CAPZA2: variants seen among roughly 807,000 people sequenced by gnomAD.
CAPZA2 encodes capping actin protein of muscle Z-line subunit alpha 2, also known as F-actin-capping protein subunit alpha-2.
A neutral mutation model predicts 44.0 loss-of-function variants in CAPZA2; 13 were observed. That is an observed-to-expected ratio of 0.30 (90% CI 0.19 to 0.47). The LOEUF is 0.47. Ranked by LOEUF, CAPZA2 falls within the 20% of genes least tolerant of loss-of-function variation. The probability of loss-of-function intolerance (pLI) is 1.00; values close to 1 mark genes in which losing one functional copy is unlikely to be tolerated. For synonymous variants in CAPZA2, 94 were observed against 108.2 expected (o/e 0.87, Z 0.81); for missense variants, 244 against 338.6 (o/e 0.72, Z 2.19).
In CAPZA2 at chr7:116,921,724, G is replaced by C. The variant is rs893511372; in HGVS notation, c.*3857G>C. On this transcript the variant is annotated 3_prime_UTR_variant, in exon 10 of 10. Coordinates refer to ENST00000361183, the MANE Select transcript of CAPZA2 (RefSeq NM_006136.3). ...ATGTAAGAAGTGGTGATTGGAGAAT[G>C]GTGTGCTTAATTAAAATTGAGGTTT... is the stretch of plus-strand genomic sequence containing the variant. 4 of 152,100 alleles carry C rather than the reference G, an allele frequency of 2.6e-5. No individual in the cohort carries two copies. Among genetic ancestry groups the C allele is most frequent in the African/African-American group, 9.7e-5 (4 of 41,412 alleles). The allele number at this position is 152,100 out of a possible 1,614,324, so 9.4% of individuals were successfully genotyped here.
At chr7:116,876,391 G>A (rs1337811018) in intron 1 of CAPZA2, 1 of 152,044 alleles carries the variant, frequency 6.6e-6, no homozygotes, top group Non-Finnish European at 1.5e-5. Context: ...ATCTTCCTTA[G>A]TTAAAACGTT....
At chr7:116,911,642 T>A in intron 7 of CAPZA2, among the ~76,000 whole-genome samples, 1 of 152,214 alleles carries the variant, frequency 6.6e-6, no homozygotes, top group East Asian at 1.9e-4. Flanking sequence ...CCTCAGTACC[T>A]TATGTAGCAG....
chr7:116,884,531 G>T (rs1796737074), intron 1 of CAPZA2, among the ~76,000 whole-genome samples: 1 of 152,046 alleles, frequency 6.6e-6, no homozygotes, highest in South Asian at 2.1e-4. Context: ...GTAACCTTTT[G>T]AGATTGACTT....
chr7:116,897,959 C>T (rs909785458), intron 3 of CAPZA2, among the ~76,000 whole-genome samples: 1 of 152,114 alleles, frequency 6.6e-6, no homozygotes, highest in African/African-American at 2.4e-5. Context: ...CAAAAAGCTT[C>T]TGTAACTCTG....
At chr7:116,871,440 A>G (rs746210209) in intron 1 of CAPZA2, among the ~76,000 whole-genome samples, 1 of 152,210 alleles carries the variant, frequency 6.6e-6, no homozygotes, top group Non-Finnish European at 1.5e-5. Flanking sequence ...AATTGTCAGA[A>G]TAACCTTGTT....
chr7:116,901,881 A>ATGTGTGTGTGTGTGTGTGTG (rs1554410805), intron 4 of CAPZA2, among the ~76,000 whole-genome samples: 7 of 140,898 alleles, frequency 5.0e-5, no homozygotes, highest in Admixed American at 2.1e-4. Flanking sequence ...TAACGAAGAA[A>ATGTGTGTGTGTGTGTGTGTG]TGTGTGTGTG....
intron 8 of CAPZA2, among the ~76,000 whole-genome samples, chr7:116,913,702 T>A (rs1055710764): frequency 2.0e-5 from 3 of 152,062 alleles, no homozygotes; most frequent in African/African-American, 7.2e-5. Flanking sequence ...TCTAGGGCTC[T>A]AGCCATTCTC....
intron 1 of CAPZA2, among the ~76,000 whole-genome samples, chr7:116,883,216 G>T (rs1796722382): frequency 6.6e-6 from 1 of 152,000 alleles, no homozygotes; most frequent in Admixed American, 6.6e-5. Context: ...AAACTTTAAG[G>T]AAATACATTT....
At chr7:116,891,513 G>T (rs2115929187) in intron 2 of CAPZA2, among the ~76,000 whole-genome samples, 1 of 152,086 alleles carries the variant, frequency 6.6e-6, no homozygotes, top group South Asian at 2.1e-4. Context: ...ATTGTTTTTT[G>T]TTTGTTTGTT....
At chr7:116,901,881 A>ATGTGTG (rs1554410805) in intron 4 of CAPZA2, among the ~76,000 whole-genome samples, 19,894 of 140,618 alleles carry the variant, frequency 0.14, 1,554 homozygotes, top group East Asian at 0.31. Context: ...TAACGAAGAA[A>ATGTGTG]TGTGTGTGTG....
chr7:116,911,077 G>C (rs1246642654), intron 7 of CAPZA2, among the ~76,000 whole-genome samples: 2 of 150,086 alleles, frequency 1.3e-5, no homozygotes, highest in African/African-American at 4.9e-5. Flanking sequence ...CAGACACCAA[G>C]TACTCGATGA....
At position 116,904,222 on chromosome 7, in the gene CAPZA2, G is replaced by A; in HGVS notation, c.265G>A (p.Asp89Asn). The change falls in exon 5 of 10, where the codon GAT (aspartate) becomes AAT (asparagine). Residue 89 changes from aspartate to asparagine, a missense_variant. Asp to Asn is a conservative substitution (Grantham distance 23). Transcript: ENST00000361183. Reference sequence around the variant, plus strand: ...CGACTTGGGAAATGGAAAGTTTTTGGATCCAAAGAACAGAATCTGTTTTAA... The same window carrying A: ...CGACTTGGGAAATGGAAAGTTTTTGAATCCAAAGAACAGAATCTGTTTTAA... ...HGDLGNGKFL[D>N]PKNRICFKFD... 1 of 1,613,772 alleles carries A rather than the reference G, an allele frequency of 6.2e-7. No individual in the cohort carries two copies. Among genetic ancestry groups the A allele is most frequent in the Non-Finnish European group, 8.5e-7 (1 of 1,179,840 alleles).
At chr7:116,911,993 A>G in intron 7 of CAPZA2, 76 bp from the exon 8 acceptor site, 1 of 1,593,056 alleles carries the variant, frequency 6.3e-7, no homozygotes. Flanking sequence ...GTCAGTCTGC[A>G]TTGATATGCT....
intron 1 of CAPZA2, among the ~76,000 whole-genome samples, chr7:116,881,982 G>A (rs564871358): frequency 6.6e-6 from 1 of 152,140 alleles, no homozygotes; most frequent in East Asian, 1.9e-4. Context: ...ATTAGATTCA[G>A]CCTATGAATT....
chr7:116,894,479 G>A (rs749354831), intron 3 of CAPZA2, among the ~76,000 whole-genome samples: 2 of 151,992 alleles, frequency 1.3e-5, no homozygotes, highest in African/African-American at 2.4e-5. Context: ...ACAGACTTGT[G>A]GGCATATCTG....
At chr7:116,915,064 G>A (rs902457352) in intron 8 of CAPZA2, among the ~76,000 whole-genome samples, 1 of 152,032 alleles carries the variant, frequency 6.6e-6, no homozygotes, top group African/African-American at 2.4e-5. Flanking sequence ...GATCACTTGA[G>A]GTCAGGAGTG....
chr7:116,892,067 T>G (rs1052086837), intron 2 of CAPZA2, among the ~76,000 whole-genome samples: 2 of 152,238 alleles, frequency 1.3e-5, no homozygotes, highest in Non-Finnish European at 2.9e-5. Context: ...ATATACATAC[T>G]AAATTTTTCT....
intron 7 of CAPZA2, among the ~76,000 whole-genome samples, 164 bp downstream of exon 7, chr7:116,910,475 C>T (rs978855469): frequency 1.3e-5 from 2 of 152,080 alleles, no homozygotes; most frequent in African/African-American, 4.8e-5. Flanking sequence ...TTTTAAATAA[C>T]CTGGCAGTTT....
intron 2 of CAPZA2, chr7:116,888,529 A>G (rs991826700): frequency 2.3e-5 from 4 of 176,666 alleles, no homozygotes; most frequent in African/African-American, 2.4e-5. Flanking sequence ...TTTCTTCAAT[A>G]GAACTCTTAA....
Sources: allele counts gnomAD v4.1 joint callset (sites outside exome capture counted in the v4.1 genomes callset), GRCh38; gene constraint gnomAD v4.1.1; transcripts MANE v1.5; gene names NCBI Gene and HGNC (gene_info 2026-07-23, HGNC 2026-07-21).